FAM13C: variants seen among roughly 807,000 people sequenced by gnomAD.
FAM13C encodes the protein family with sequence similarity 13 member C.
A neutral mutation model predicts 73.2 loss-of-function variants in FAM13C; 37 were observed. That is an observed-to-expected ratio of 0.51 (90% CI 0.39 to 0.67). FAM13C has a LOEUF of 0.67. Ranked by LOEUF, FAM13C falls within the 30% of genes least tolerant of loss-of-function variation. The probability of loss-of-function intolerance (pLI) is 0.00; values close to 1 mark genes in which losing one functional copy is unlikely to be tolerated. For synonymous variants in FAM13C, 246 were observed against 260.9 expected (o/e 0.94, Z 0.55); for missense variants, 589 against 715.6 (o/e 0.82, Z 2.02).
At chr10:59,277,591 G>T (rs1008175217) in intron 6 of FAM13C, among the ~76,000 whole-genome samples, 1 of 152,136 alleles carries the variant, frequency 6.6e-6, no homozygotes, top group Non-Finnish European at 1.5e-5. Context: ...AGATGGATTC[G>T]ATCAGAGGAG....
chr10:59,287,867 G>GTA (rs1000989224), intron 5 of FAM13C, among the ~76,000 whole-genome samples: 21 of 152,330 alleles, frequency 1.4e-4, no homozygotes, highest in African/African-American at 5.1e-4. Flanking sequence ...TGGCAAGGCT[G>GTA]TACACTACAC....
intron 10 of FAM13C, among the ~76,000 whole-genome samples, chr10:59,262,075 A>G (rs184733833): frequency 8.3e-4 from 127 of 152,282 alleles, no homozygotes; most frequent in African/African-American, 3.0e-3. Context: ...GACATAAGGA[A>G]AGGGGCTGTA....
At chr10:59,303,676 A>G (rs1847862680) in intron 4 of FAM13C, among the ~76,000 whole-genome samples, 1 of 152,088 alleles carries the variant, frequency 6.6e-6, no homozygotes, top group Non-Finnish European at 1.5e-5. Flanking sequence ...CAGTGTTGGG[A>G]GGTGGGGCCT....
At chr10:59,351,063 C>T (rs370119070) in intron 3 of FAM13C, among the ~76,000 whole-genome samples, 3 of 152,082 alleles carry the variant, frequency 2.0e-5, no homozygotes, top group African/African-American at 4.8e-5. Context: ...AAAGGCCAGG[C>T]GTGGTGGCTC....
intron 3 of FAM13C, among the ~76,000 whole-genome samples, chr10:59,332,637 T>C (rs1253371833): frequency 6.6e-6 from 1 of 152,238 alleles, no homozygotes; most frequent in Non-Finnish European, 1.5e-5. Context: ...TTCTTTAAAA[T>C]AGGTGCCTCT....
At chr10:59,294,753 AT>A (rs1407845511) in intron 5 of FAM13C, among the ~76,000 whole-genome samples, 2 of 152,234 alleles carry the variant, frequency 1.3e-5, no homozygotes, top group Admixed American at 6.5e-5. Flanking sequence ...ATTGACACTG[AT>A]AACAAAAGTT....
chr10:59,327,796 G>A (rs888082995), intron 3 of FAM13C: 6 of 152,142 alleles, frequency 3.9e-5, no homozygotes, highest in African/African-American at 1.2e-4. Flanking sequence ...GGGTTATAGA[G>A]AAGTGAATAA....
At chr10:59,273,861 T>C (rs181062941) in intron 6 of FAM13C, among the ~76,000 whole-genome samples, 58 of 152,264 alleles carry the variant, frequency 3.8e-4, no homozygotes, top group African/African-American at 1.2e-3. Context: ...AATGAGTTAG[T>C]CAGATTTAAA....
chr10:59,318,767 C>T (rs376058867), intron 4 of FAM13C, among the ~76,000 whole-genome samples: 20 of 152,084 alleles, frequency 1.3e-4, no homozygotes, highest in African/African-American at 4.8e-4. Context: ...ATTATCCAAC[C>T]GTATACCAGG....
At chr10:59,273,324 A>G (rs1394850330) in intron 6 of FAM13C, among the ~76,000 whole-genome samples, 1 of 152,170 alleles carries the variant, frequency 6.6e-6, no homozygotes, top group East Asian at 1.9e-4. Context: ...TATGAGACCC[A>G]TTATTTTTAA....
chr10:59,315,379 C>G (rs566155932), intron 4 of FAM13C, among the ~76,000 whole-genome samples: 1 of 152,044 alleles, frequency 6.6e-6, no homozygotes, highest in East Asian at 1.9e-4. Flanking sequence ...AGATCATGTC[C>G]CCATGTTAAT....
intron 4 of FAM13C, among the ~76,000 whole-genome samples, chr10:59,312,641 CCA>C (rs1332018213): frequency 6.6e-6 from 1 of 152,186 alleles, no homozygotes; most frequent in East Asian, 1.9e-4. Context: ...AGCGTGTCCA[CCA>C]CCAACTTTTC....
intron 3 of FAM13C, among the ~76,000 whole-genome samples, chr10:59,340,826 CA>C (rs770256291): frequency 4.0e-5 from 6 of 151,272 alleles, no homozygotes; most frequent in Non-Finnish European, 8.9e-5. Flanking sequence ...CATTACTTGG[CA>C]AAAACCACAA....
chr10:59,357,276 T>C (rs1266736023), intron 1 of FAM13C, among the ~76,000 whole-genome samples: 3 of 152,220 alleles, frequency 2.0e-5, no homozygotes, highest in African/African-American at 7.2e-5. Flanking sequence ...CCTTAATTCA[T>C]AAACATTTAC....
At chr10:59,336,786 A>C (rs1454089440) in intron 3 of FAM13C, among the ~76,000 whole-genome samples, 2 of 152,222 alleles carry the variant, frequency 1.3e-5, no homozygotes. Context: ...CAGTCTCCTC[A>C]GCTGTTAGAA....
chr10:59,318,711 C>G (rs534485139), intron 4 of FAM13C, among the ~76,000 whole-genome samples: 2 of 152,152 alleles, frequency 1.3e-5, no homozygotes, highest in Admixed American at 6.5e-5. Flanking sequence ...TTTCCAGCTC[C>G]CTTTCTATGT....
intron 12 of FAM13C, 68 bp from the exon 13 acceptor site, chr10:59,251,744 T>A: frequency 4.1e-6 from 5 of 1,221,870 alleles, no homozygotes; most frequent in Non-Finnish European, 5.7e-6. Context: ...TGAGCAGATT[T>A]ATCTGTTCAG....
intron 5 of FAM13C, among the ~76,000 whole-genome samples, chr10:59,294,639 A>G (rs1396693026): frequency 6.6e-6 from 1 of 152,258 alleles, no homozygotes; most frequent in Non-Finnish European, 1.5e-5. Flanking sequence ...GGCAGAATAA[A>G]GCAGGCCTGG....
chr10:59,247,409 T>C lies in FAM13C; in HGVS notation c.*205A>G. 1 of 563,500 alleles carries C rather than the reference T, an allele frequency of 1.8e-6. No individual in the cohort carries two copies. 34.9% of individuals were successfully genotyped at this position (563,500 alleles called of 1,614,324 possible). ...AGGACACTGAATTTTTTCCCAATTATATGGCTACCTGTTGTATTCTTCCCC... is the reference window on the plus strand; with the variant it reads ...AGGACACTGAATTTTTTCCCAATTACATGGCTACCTGTTGTATTCTTCCCC... On this transcript the variant is annotated 3_prime_UTR_variant, in exon 14 of 14. Coordinates refer to ENST00000618804, the MANE Select transcript of FAM13C (RefSeq NM_198215.4).
Sources: allele counts gnomAD v4.1 joint callset (sites outside exome capture counted in the v4.1 genomes callset), GRCh38; gene constraint gnomAD v4.1.1; transcripts MANE v1.5; gene names NCBI Gene and HGNC (gene_info 2026-07-23, HGNC 2026-07-21).